Variants in ACVR1B observed in about 807,000 individuals in gnomAD.
ACVR1B encodes the protein activin A receptor type 1B.
Under a neutral mutation model 55.6 loss-of-function variants are expected in ACVR1B, and 15 were observed. The ratio of observed to expected loss-of-function variants is 0.27; its 90% CI spans 0.18 to 0.42. The LOEUF (loss-of-function observed/expected upper bound fraction) is 0.42, where lower values mean the gene tolerates loss of function less well. ACVR1B is among the 10% of genes least tolerant of loss of function. The pLI is 1.00. For missense variants in ACVR1B, 359 were observed against 670.1 expected (o/e 0.54, Z 5.13); for synonymous variants, 247 against 254.6 (o/e 0.97, Z 0.28).
chr12:51,985,463 C>A, intron 6 of ACVR1B, 115 bp downstream of exon 6: 2 of 1,236,782 alleles, frequency 1.6e-6, no homozygotes, highest in Non-Finnish European at 1.1e-6. Context: ...GAGGACCTTG[C>A]TCTCAGCCCA....
At chr12:51,974,232 G>T (rs1941801136) in intron 1 of ACVR1B, among the ~76,000 whole-genome samples, 1 of 152,154 alleles carries the variant, frequency 6.6e-6, no homozygotes, top group African/African-American at 2.4e-5. Context: ...GTTCTAGTGG[G>T]CAAAGCAACA....
Position 51,975,376 on chromosome 12 carries a change from C to T in ACVR1B, c.203C>T (p.Thr68Ile), listed in dbSNP as rs997364413. The change falls in exon 2 of 9, where the codon ACC becomes ATC. Residue 68 changes from threonine (T) to isoleucine (I), a missense_variant. Physicochemically the swap from Thr to Ile is moderately conservative, Grantham distance 89. This residue lies in a region of ACVR1B where 133 missense variants were observed against 188.2 expected (regional missense o/e 0.71). Coordinates refer to ENST00000257963, the MANE Select transcript of ACVR1B (RefSeq NM_004302.5). ...NLDGMEHHVR[T>I]CIPKVELVPA... ...GATGGGATGGAGCACCATGTGCGCA[C>T]CTGCATCCCCAAAGTGGAGCTGGTC... 5 of 1,614,206 alleles carry T rather than the reference C, an allele frequency of 3.1e-6. No homozygotes were observed. Among genetic ancestry groups the T allele is most frequent in the Non-Finnish European group, 4.2e-6 (5 of 1,180,046 alleles).
chr12:51,990,787 G>GT (rs905476972), intron 7 of ACVR1B, among the ~76,000 whole-genome samples: 1 of 152,080 alleles, frequency 6.6e-6, no homozygotes. Flanking sequence ...TTCCCACTCT[G>GT]TTTTTTCGGA....
intron 4 of ACVR1B, 22 bp downstream of exon 4, chr12:51,981,221 A>G (rs1471883077): frequency 1.9e-6 from 3 of 1,601,102 alleles, no homozygotes; most frequent in African/African-American, 2.7e-5. Flanking sequence ...GCTTGGATAC[A>G]GCATTCCCAG....
At chr12:51,977,983 G>C (rs1474303970) in intron 3 of ACVR1B, among the ~76,000 whole-genome samples, 1 of 152,034 alleles carries the variant, frequency 6.6e-6, no homozygotes, top group Non-Finnish European at 1.5e-5. Flanking sequence ...CGTGGGACAA[G>C]ACTGTTGTTC....
intron 1 of ACVR1B, among the ~76,000 whole-genome samples, chr12:51,966,187 G>C (rs943026064): frequency 1.3e-5 from 2 of 152,196 alleles, no homozygotes; most frequent in African/African-American, 4.8e-5. Flanking sequence ...CCAGAAATTT[G>C]AGCCTGAATC....
At chr12:51,961,325 C>T (rs192352644) in intron 1 of ACVR1B, among the ~76,000 whole-genome samples, 3 of 152,276 alleles carry the variant, frequency 2.0e-5, no homozygotes, top group African/African-American at 7.2e-5. Context: ...TCTTTTCCAT[C>T]CTCTCAGTAA....
intron 4 of ACVR1B, chr12:51,982,905 G>A: frequency 2.3e-6 from 3 of 1,282,086 alleles, no homozygotes; most frequent in Non-Finnish European, 2.0e-6. Flanking sequence ...GAACTTGTTA[G>A]CAGGGTCCTC....
intron 1 of ACVR1B, among the ~76,000 whole-genome samples, chr12:51,957,647 C>T (rs1941440309): frequency 6.6e-6 from 1 of 152,122 alleles, no homozygotes; most frequent in Non-Finnish European, 1.5e-5. Flanking sequence ...TCAAATTATC[C>T]TCCTGCCTTG....
chr12:51,958,248 T>C (rs752564057), intron 1 of ACVR1B, among the ~76,000 whole-genome samples: 2 of 152,328 alleles, frequency 1.3e-5, no homozygotes, highest in Admixed American at 6.5e-5. Context: ...ACTAAACATA[T>C]GCATGTTGAG....
At chr12:51,967,870 T>G (rs1941672367) in intron 1 of ACVR1B, among the ~76,000 whole-genome samples, 1 of 152,246 alleles carries the variant, frequency 6.6e-6, no homozygotes, top group African/African-American at 2.4e-5. Flanking sequence ...GAGCCCAGGC[T>G]GTTAATCACT....
Position 51,975,278 on chromosome 12 carries a change from G to A in ACVR1B, c.105G>A (p.Ala35=), listed in dbSNP as rs56091863. The part of the protein sequence containing the change: ...GPRGVQALLC[A]CTSCLQANYT... ...AATTTCCTGCAGCTCTGCTGTGTGC[G>A]TGCACCAGCTGCCTCCAGGCCAACT... is the stretch of plus-strand genomic sequence containing the variant. The change falls in exon 2 of 9, where the codon GCG becomes GCA. Residue 35 remains alanine, a synonymous_variant. Coordinates refer to ENST00000257963, the MANE Select transcript of ACVR1B (RefSeq NM_004302.5). 5.7e-5 allele frequency: 92 copies of A among 1,612,648 alleles called. No individual in the cohort carries two copies. In the East Asian group the frequency reaches 7.8e-4, roughly 14 times the overall value.
Position 51,984,054 on chromosome 12 carries a change from C to G in ACVR1B, c.867C>G (p.Ser289=), listed in dbSNP as rs374887252. ...TTTCTGACTATCATGAGCACGGGTCCCTGTTTGATTATCTGAACCGGTACA... is the reference window on the plus strand; with the variant it reads ...TTTCTGACTATCATGAGCACGGGTCGCTGTTTGATTATCTGAACCGGTACA... ...WLVSDYHEHG[S]LFDYLNRYTV... The change falls in exon 5 of 9, where the codon TCC becomes TCG. Residue 289 remains serine, a synonymous_variant. Coordinates refer to ENST00000257963, the MANE Select transcript of ACVR1B (RefSeq NM_004302.5). The G allele has an allele frequency of 6.2e-7, 1 of 1,614,012 alleles. No homozygotes were observed. The highest frequency in any genetic ancestry group is 1.3e-5 in the African/African-American group (1 of 74,882).
chr12:51,982,705 A>G (rs987647105), intron 4 of ACVR1B: 10 of 1,532,044 alleles, frequency 6.5e-6, no homozygotes, highest in Admixed American at 2.0e-5. Context: ...CATTCCTCAC[A>G]TTGCCATGGG....
intron 2 of ACVR1B, among the ~76,000 whole-genome samples, chr12:51,975,904 T>C (rs1264262468): frequency 6.6e-6 from 1 of 152,200 alleles, no homozygotes; most frequent in African/African-American, 2.4e-5. Flanking sequence ...AAAAGGCCAG[T>C]GACCAAAGCC....
chr12:51,965,643 AG>A (rs1337941607), intron 1 of ACVR1B, among the ~76,000 whole-genome samples: 2 of 152,132 alleles, frequency 1.3e-5, no homozygotes, highest in Non-Finnish European at 2.9e-5. Context: ...TCGTTCAGCG[AG>A]GTCCTTTCCT....
intron 8 of ACVR1B, 65 bp from the exon 9 acceptor site, chr12:51,993,920 G>T: frequency 6.3e-7 from 1 of 1,592,580 alleles, no homozygotes; most frequent in Non-Finnish European, 8.5e-7. Context: ...ATGAGTGAGA[G>T]CCTAGGGACC....
intron 1 of ACVR1B, among the ~76,000 whole-genome samples, chr12:51,956,506 T>C (rs989929671): frequency 1.3e-5 from 2 of 152,196 alleles, no homozygotes; most frequent in Admixed American, 1.3e-4. Context: ...ATGAGTGCTG[T>C]GAAGAAAATA....
chr12:51,986,677 G>A (rs761730654), intron 6 of ACVR1B, 141 bp from the exon 7 acceptor site: 11 of 1,156,118 alleles, frequency 9.5e-6, no homozygotes, highest in Middle Eastern at 2.4e-4. Context: ...GCAATGAAGA[G>A]ATGTGTACAC....
Sources: allele counts gnomAD v4.1 joint callset (sites outside exome capture counted in the v4.1 genomes callset), GRCh38; gene constraint gnomAD v4.1.1; regional missense constraint gnomAD v4.1.1; transcripts MANE v1.5; gene names NCBI Gene and HGNC (gene_info 2026-07-23, HGNC 2026-07-21).